The following ADGRG2 variants were observed in gnomAD, a reference collection of about 807,000 sequenced individuals.
The protein encoded by ADGRG2 is G protein-coupled receptor 64.
In ADGRG2, 26 loss-of-function variants were observed where a neutral mutation model predicts 74.1. The observed-to-expected ratio is 0.35, with a 90% confidence interval of 0.26 to 0.49. The LOEUF is 0.49. Ranked by LOEUF, ADGRG2 falls within the 20% of genes least tolerant of loss-of-function variation. The pLI is 0.99. For missense variants in ADGRG2, 619 were observed against 763.1 expected (o/e 0.81, Z 2.22); for synonymous variants, 296 against 295.2 (o/e 1.00, Z -0.03).
intron 1 of ADGRG2, among the ~76,000 whole-genome samples, chrX:19,109,573 C>T (rs1032997659): frequency 5.4e-5 from 6 of 111,743 alleles, no homozygotes; most frequent in Non-Finnish European, 1.1e-4. Flanking sequence ...TCTCAGATTT[C>T]AATAACACAC....
At chrX:19,096,899 G>A (rs182351815) in intron 1 of ADGRG2, among the ~76,000 whole-genome samples, 130 of 112,782 alleles carry the variant, frequency 1.2e-3, no homozygotes, top group South Asian at 1.8e-3. Context: ...TAGAGCACAT[G>A]CTCAAAAATA....
rs191489041 is a variant in ADGRG2 at position 19,079,233 on chromosome X, G to A, written c.-2+3469C>T. On this transcript the variant is annotated intron_variant, in intron 2 of 28. Transcript: ENST00000379869. Reference sequence around the variant, plus strand: ...GAGTTTCAATCGCACAGAAACTCAAGAAAAAGAGCACATCTGAACTCACTT... The same window carrying A: ...GAGTTTCAATCGCACAGAAACTCAAAAAAAAGAGCACATCTGAACTCACTT... Among the ~76,000 whole-genome samples the A allele has an allele frequency of 5.9e-3, 660 of 111,526 alleles. 1 individual carries two copies. The highest frequency in any genetic ancestry group is 9.7e-3 in the Non-Finnish European group (514 of 53,088).
intron 1 of ADGRG2, among the ~76,000 whole-genome samples, chrX:19,114,550 G>C (rs1222788629): frequency 9.0e-6 from 1 of 110,911 alleles, no homozygotes; most frequent in Non-Finnish European, 1.9e-5. Context: ...ATTAATGCTT[G>C]GGCCGGATCA....
intron 2 of ADGRG2, among the ~76,000 whole-genome samples, chrX:19,082,310 G>A (rs912752854): frequency 2.7e-5 from 3 of 110,424 alleles, no homozygotes; most frequent in African/African-American, 9.9e-5. Flanking sequence ...TTAGAGCCAA[G>A]GGACACACGT....
chrX:19,005,789 G>A (rs1249318111), intron 22 of ADGRG2, among the ~76,000 whole-genome samples: 2 of 111,835 alleles, frequency 1.8e-5, no homozygotes, highest in Middle Eastern at 4.6e-3. Flanking sequence ...CTGACCTCAA[G>A]TGATCCACCC....
intron 3 of ADGRG2, among the ~76,000 whole-genome samples, chrX:19,056,278 T>C (rs1204049764): frequency 8.9e-6 from 1 of 111,873 alleles, no homozygotes; most frequent in East Asian, 2.8e-4. Flanking sequence ...ACAAGATTAA[T>C]GCTAAAATCA....
rs55638875 is a variant in ADGRG2, at chrX:19,074,565, T to C, written c.-1-5730A>G. On this transcript the variant is annotated intron_variant, in intron 2 of 28. Transcript: ENST00000379869. ...TTTCTTTCTTCTTCTTCTTCTTCTTTTTTTTTTTTTTTTTGTTTGTTTGAG... is the reference window on the plus strand; with the variant it reads ...TTTCTTTCTTCTTCTTCTTCTTCTTCTTTTTTTTTTTTTTGTTTGTTTGAG... Among the ~76,000 whole-genome samples, 257 of 68,741 alleles carry C rather than the reference T, an allele frequency of 3.7e-3. 4 individuals carry two copies. The highest frequency in any genetic ancestry group is 0.012 in the African/African-American group (166 of 14,203). The allele number at this position is 68,741 out of a possible 115,157, so 59.7% of individuals were successfully genotyped here.
chrX:18,990,858 A>C lies in ADGRG2; in HGVS notation c.*6T>G, dbSNP rs777558275. ...AGCATCATGCTTTGATTTTAGAAGA[A>C]AGGAATCACATTTGCTCAATAAAGT... On this transcript the variant is annotated 3_prime_UTR_variant, in exon 29 of 29. Coordinates refer to ENST00000379869, the MANE Select transcript of ADGRG2 (RefSeq NM_001079858.3). 3.1e-5 allele frequency: 36 copies of C among 1,166,552 alleles called. No homozygotes were observed. In the South Asian group the frequency reaches 6.0e-4, roughly 19 times the overall value.
At chrX:19,022,264 CAAA>C (rs112588928) in intron 13 of ADGRG2, among the ~76,000 whole-genome samples, 12 of 94,202 alleles carry the variant, frequency 1.3e-4, no homozygotes, top group African/African-American at 1.5e-4. Context: ...GACTCCATCT[CAAA>C]AAAAAAAAAA....
chrX:19,115,683 G>A (rs1441107313), intron 1 of ADGRG2, among the ~76,000 whole-genome samples: 2 of 111,549 alleles, frequency 1.8e-5, no homozygotes, highest in African/African-American at 3.3e-5. Context: ...AGGAGGCGGC[G>A]CGGTGGCTCC....
At chrX:19,003,168 A>C (rs1261456505) in intron 23 of ADGRG2, 54 bp from the exon 24 acceptor site, 7 of 1,024,663 alleles carry the variant, frequency 6.8e-6, no homozygotes, top group Non-Finnish European at 9.4e-6. Flanking sequence ...CAACCCTCCA[A>C]CTTTTTTTTG....
chrX:19,001,728 G>C, intron 24 of ADGRG2, among the ~76,000 whole-genome samples: 1 of 111,550 alleles, frequency 9.0e-6, no homozygotes, highest in Non-Finnish European at 1.9e-5. Context: ...CAAGGGTGGT[G>C]GTGTGCTTTC....
chrX:18,998,674 A>C lies in ADGRG2; in HGVS notation c.2614+322T>G, dbSNP rs573297021. On this transcript the variant is annotated intron_variant, in intron 26 of 28. Coordinates refer to ENST00000379869, the MANE Select transcript of ADGRG2 (RefSeq NM_001079858.3). ...TGCGTCCAGCAAGTCTCTCAAGGCC[A>C]TTTTTCCAACAGCATGTACTCACCT... Among the ~76,000 whole-genome samples, 14 of 96,842 alleles carry C rather than the reference A, an allele frequency of 1.4e-4. No homozygotes were observed. In the South Asian group the frequency reaches 5.7e-3, roughly 40 times the overall value. The allele number at this position is 96,842 out of a possible 115,157, so 84.1% of individuals were successfully genotyped here.
intron 1 of ADGRG2, among the ~76,000 whole-genome samples, chrX:19,118,786 ATATT>A (rs2062567724): frequency 8.9e-6 from 1 of 112,320 alleles, no homozygotes; most frequent in Admixed American, 9.5e-5. Flanking sequence ...CCATATGTGA[ATATT>A]TATATTGGCT....
At chrX:19,078,717 T>C (rs1210873209) in intron 2 of ADGRG2, among the ~76,000 whole-genome samples, 3 of 108,766 alleles carry the variant, frequency 2.8e-5, no homozygotes, top group Non-Finnish European at 5.7e-5. Flanking sequence ...TGAATTAAGG[T>C]TCTTAAGAAG....
chrX:19,075,051 G>T (rs1388563559), intron 2 of ADGRG2, among the ~76,000 whole-genome samples: 1 of 110,796 alleles, frequency 9.0e-6, no homozygotes, highest in Non-Finnish European at 1.9e-5. Flanking sequence ...GAAAAGTTCA[G>T]AGACATGGAG....
chrX:19,097,870 G>A (rs1417528364), intron 1 of ADGRG2, among the ~76,000 whole-genome samples: 2 of 112,880 alleles, frequency 1.8e-5, no homozygotes, highest in East Asian at 5.5e-4. Context: ...CTTTTGGGTT[G>A]TACGTGCCAG....
At position 19,068,705 on chromosome X, in the gene ADGRG2, C is replaced by T; in HGVS notation, c.118+12G>A. The T allele has an allele frequency of 1.4e-6, 1 of 738,642 alleles. No homozygotes were observed. Among genetic ancestry groups the T allele is most frequent in the Non-Finnish European group, 2.0e-6 (1 of 510,644 alleles). 60.9% of individuals were successfully genotyped at this position (738,642 alleles called of 1,213,427 possible). A position where few individuals can be genotyped will look rare whatever the true frequency, so the allele number is the denominator to read the frequency against. ...CAGAAAAAAAAAAAATGAAGAAAAA[C>T]AGACACATTACCTTCCAGGGATGTT... On this transcript the variant is annotated intron_variant, in intron 3 of 28. Transcript: ENST00000379869.
At position 19,095,273 on chromosome X, in the gene ADGRG2, G is replaced by A. The variant is rs374789395; in HGVS notation, c.-46-12527C>T. 4.5e-5 allele frequency among the ~76,000 whole-genome samples: 5 copies of A among 110,999 alleles called. No individual in the cohort carries two copies. In the East Asian group the frequency reaches 1.4e-3, roughly 31 times the overall value. On this transcript the variant is annotated intron_variant, in intron 1 of 28. Transcript: ENST00000379869. Reference sequence around the variant, plus strand: ...AACTCACCAGATAATTTGAGAAAACGGGAGACTACATGAGTCATGTTACTC... The same window carrying A: ...AACTCACCAGATAATTTGAGAAAACAGGAGACTACATGAGTCATGTTACTC...
Sources: allele counts gnomAD v4.1 joint callset (sites outside exome capture counted in the v4.1 genomes callset), GRCh38; gene constraint gnomAD v4.1.1; transcripts MANE v1.5; gene names NCBI Gene and HGNC (gene_info 2026-07-23, HGNC 2026-07-21).